The following PALM variants were observed in gnomAD, a reference collection of about 807,000 sequenced individuals.
PALM encodes paralemmin.
Under a neutral mutation model 30.7 loss-of-function variants are expected in PALM, and 18 were observed. The observed-to-expected ratio is 0.59, with a 90% CI of 0.41 to 0.87. PALM has a LOEUF of 0.87. Ranked by LOEUF, PALM falls within the 40% of genes least tolerant of loss-of-function variation. The pLI is 0.00. For missense variants in PALM, 529 were observed against 555.4 expected (o/e 0.95, Z 0.48); for synonymous variants, 286 against 242.8 (o/e 1.18, Z -1.66).
Position 727,943 on chromosome 19 carries a change from C to T in PALM, c.269+249C>T, listed in dbSNP as rs904845432. ...CGTGGCCTCAGGCAGGGAGATACCC[C>T]TTTCCCTTCCCACCGCCCTCGTTTG... On this transcript the variant is annotated intron_variant, in intron 4 of 8. Transcript: ENST00000338448. The T allele has an allele frequency of 1.3e-5, 6 of 473,158 alleles. No homozygotes were observed. In the Admixed American group the frequency reaches 1.5e-4, roughly 12 times the overall value. 29.3% of individuals were successfully genotyped at this position (473,158 alleles called of 1,614,324 possible).
chr19:732,943 T>G (rs2032917989), intron 5 of PALM, among the ~76,000 whole-genome samples: 1 of 151,260 alleles, frequency 6.6e-6, no homozygotes, highest in Admixed American at 6.6e-5. Context: ...TTTTGTGTTT[T>G]TTTTTTTGAG....
intron 1 of PALM, chr19:719,313 G>C (rs1339083193): frequency 2.0e-6 from 2 of 985,366 alleles, no homozygotes; most frequent in African/African-American, 3.5e-5. Flanking sequence ...GGAGGCCTCT[G>C]CGGGGCTCCC....
chr19:721,480 G>A (rs1176944009), intron 1 of PALM, among the ~76,000 whole-genome samples: 1 of 151,878 alleles, frequency 6.6e-6, no homozygotes, highest in East Asian at 1.9e-4. Context: ...TGGCCAGGAT[G>A]GTCTCAAACT....
chr19:730,529 TTG>T (rs1212400912), intron 4 of PALM, among the ~76,000 whole-genome samples: 5 of 152,154 alleles, frequency 3.3e-5, no homozygotes, highest in Admixed American at 6.6e-5. Flanking sequence ...GAGAGTTCAT[TTG>T]ATACAGACAG....
At chr19:730,452 A>G (rs946725834) in intron 4 of PALM, among the ~76,000 whole-genome samples, 2 of 152,152 alleles carry the variant, frequency 1.3e-5, no homozygotes, top group Non-Finnish European at 2.9e-5. Context: ...GGAAAGTGAC[A>G]TGGTTTTTCC....
chr19:727,197 A>AC, intron 3 of PALM, 109 bp downstream of exon 3: 1 of 745,434 alleles, frequency 1.3e-6, no homozygotes. Context: ...CCTGACCCTG[A>AC]CCCTGCCTCC....
intron 1 of PALM, among the ~76,000 whole-genome samples, chr19:723,496 G>A (rs886864887): frequency 1.3e-5 from 2 of 152,156 alleles, no homozygotes; most frequent in African/African-American, 4.8e-5. Context: ...CTGCCTCGCT[G>A]CAACAGCCTT....
chr19:711,652 CTTGT>C (rs2032083409), intron 1 of PALM, among the ~76,000 whole-genome samples: 1 of 152,194 alleles, frequency 6.6e-6, no homozygotes, highest in South Asian at 2.1e-4. Flanking sequence ...TTTCCGCTGT[CTTGT>C]TTGTGGCGGT....
At chr19:711,034 A>T (rs1326162170) in intron 1 of PALM, among the ~76,000 whole-genome samples, 3 of 152,192 alleles carry the variant, frequency 2.0e-5, no homozygotes, top group Non-Finnish European at 4.4e-5. Context: ...AAGACACGGG[A>T]GCTGGCTGTG....
chr19:735,000 A>G, intron 6 of PALM: 1 of 927,364 alleles, frequency 1.1e-6, no homozygotes, highest in Non-Finnish European at 1.3e-6. Flanking sequence ...TAATCATTAA[A>G]AAAATCCAGA....
chr19:736,289 G>A (rs866044423), intron 7 of PALM: 1 of 521,074 alleles, frequency 1.9e-6, no homozygotes, highest in Non-Finnish European at 3.4e-6. Flanking sequence ...GTCCCACGCC[G>A]GCCCACGCTT....
At chr19:719,017 A>C (rs1599139045) in intron 1 of PALM, 19 of 163,906 alleles carry the variant, frequency 1.2e-4, no homozygotes, top group Non-Finnish European at 1.7e-4. Context: ...CACACCTCGC[A>C]GCCCCGCGTG....
At chr19:726,903 C>G in intron 2 of PALM, 105 bp from the exon 3 acceptor site, 1 of 737,216 alleles carries the variant, frequency 1.4e-6, no homozygotes, top group Non-Finnish European at 2.3e-6. Flanking sequence ...ACGAGGATCC[C>G]CGGACAGAGG....
At chr19:714,790 G>A (rs1236085408) in intron 1 of PALM, among the ~76,000 whole-genome samples, 1 of 152,096 alleles carries the variant, frequency 6.6e-6, no homozygotes, top group Admixed American at 6.6e-5. Flanking sequence ...TGGGACTACA[G>A]GTGCCACCAC....
At chr19:716,383 C>G (rs1486956088) in intron 1 of PALM, among the ~76,000 whole-genome samples, 1 of 151,064 alleles carries the variant, frequency 6.6e-6, no homozygotes, top group African/African-American at 2.4e-5. Flanking sequence ...GCCCTCCAGC[C>G]TGGGTGACAG....
chr19:719,501 G>C (rs2032383487), intron 1 of PALM: 1 of 985,298 alleles, frequency 1.0e-6, no homozygotes, highest in Non-Finnish European at 1.2e-6. Context: ...GCGCTCCAGG[G>C]GCTCTGCGCG....
In PALM at chr19:746,347, G is replaced by A. The variant is rs747756675; in HGVS notation, c.697G>A (p.Asp233Asn). 6 of 1,613,572 alleles carry A rather than the reference G, an allele frequency of 3.7e-6. No homozygotes were observed. The South Asian group carries it at 6.6e-5, about 18-fold the overall frequency. Residue 233 changes from aspartate (D) to asparagine (N), a missense_variant, in exon 9 of 9, where the codon GAC becomes AAC. By Grantham distance (23) the Asp-to-Asn change is conservative. Transcript: ENST00000338448. This position sits in a 1 kb window ranked among gnomAD's most constrained non-coding sequence, Gnocchi z 7.1. ...GIHPLSSSEVDELIHKADEVT... is the reference protein window; with the variant it reads ...GIHPLSSSEVNELIHKADEVT... The stretch of plus-strand genomic sequence containing the variant: ...CCACCCCCTGAGCTCCTCCGAGGTG[G>A]ACGAACTCATCCACAAAGCGGACGA...
intron 1 of PALM, among the ~76,000 whole-genome samples, chr19:722,165 G>T (rs7247549): frequency 2.6e-5 from 4 of 151,142 alleles, no homozygotes; most frequent in African/African-American, 7.3e-5. Flanking sequence ...TGATCCGCCC[G>T]CCTCGGCCTC....
In PALM at chr19:742,603, C is replaced by T. The variant is rs1246324906; in HGVS notation, c.634+2120C>T. 1.1e-5 allele frequency among the ~76,000 whole-genome samples: 1 copy of T among 87,928 alleles called. No homozygotes were observed. Among genetic ancestry groups the T allele is most frequent in the Non-Finnish European group, 2.6e-5 (1 of 38,784 alleles). The allele number at this position is 87,928 out of a possible 152,430, so 57.7% of individuals were successfully genotyped here. A position where few individuals can be genotyped will look rare whatever the true frequency, so the allele number is the denominator to read the frequency against. On this transcript the variant is annotated intron_variant, in intron 8 of 8. Coordinates refer to ENST00000338448, the MANE Select transcript of PALM (RefSeq NM_002579.3). The surrounding 1 kb of genome is among the most constrained non-coding windows in gnomAD (Gnocchi z 5.5). ...CTGTGCGACAAGAGTGAAACTCTGT[C>T]TCAAAAAAAAAAAAAAGAAAGAAAA...
Sources: allele counts gnomAD v4.1 joint callset (sites outside exome capture counted in the v4.1 genomes callset), GRCh38; gene constraint gnomAD v4.1.1; non-coding constraint Gnocchi (gnomAD v3.1); transcripts MANE v1.5; gene names NCBI Gene and HGNC (gene_info 2026-07-23, HGNC 2026-07-21).